Variants in DDX18 observed in about 807,000 individuals in gnomAD.
The protein encoded by DDX18 is DEAD-box helicase 18.
DDX18 carries 23 observed loss-of-function variants against 73.5 expected under a neutral mutation model. That is an observed-to-expected ratio of 0.31 (90% CI 0.23 to 0.44). The LOEUF (loss-of-function observed/expected upper bound fraction) is 0.44. Ranked by LOEUF, DDX18 falls within the 20% of genes least tolerant of loss-of-function variation. The pLI, the probability that DDX18 is intolerant of heterozygous loss-of-function variation, is 1.00. For missense variants in DDX18, 753 were observed against 792.9 expected (o/e 0.95, Z 0.60); for synonymous variants, 268 against 282.7 (o/e 0.95, Z 0.52).
chr2:117,823,323 G>A (rs777887500), intron 7 of DDX18, among the ~76,000 whole-genome samples: 1 of 152,016 alleles, frequency 6.6e-6, no homozygotes, highest in Non-Finnish European at 1.5e-5. Context: ...CCATGTATTC[G>A]ATATTTTCTC....
At chr2:117,818,600 G>A (rs946786916) in intron 2 of DDX18, among the ~76,000 whole-genome samples, 3 of 152,178 alleles carry the variant, frequency 2.0e-5, no homozygotes, top group African/African-American at 4.8e-5. Flanking sequence ...TTTTGAGTAT[G>A]CCCCAGGAAG....
intron 9 of DDX18, 137 bp downstream of exon 9, chr2:117,825,238 G>C (rs190139754): frequency 1.1e-5 from 14 of 1,276,282 alleles, no homozygotes; most frequent in East Asian, 9.4e-5. Flanking sequence ...GATCCTGTGT[G>C]GGGGAGCGCT....
intron 13 of DDX18, 132 bp downstream of exon 13, chr2:117,829,598 T>C: frequency 1.2e-6 from 1 of 868,194 alleles, no homozygotes; most frequent in Non-Finnish European, 1.8e-6. Flanking sequence ...CCCTGGTCGA[T>C]GTCTGCTTTT....
At chr2:117,821,341 A>G in intron 4 of DDX18, 45 bp downstream of exon 4, 1 of 1,573,106 alleles carries the variant, frequency 6.4e-7, no homozygotes, top group East Asian at 2.2e-5. Flanking sequence ...TATTTTTAGA[A>G]CTAGTAGATG....
chr2:117,824,417 T>C, intron 7 of DDX18, 152 bp from the exon 8 acceptor site: 1 of 675,956 alleles, frequency 1.5e-6, no homozygotes, highest in South Asian at 7.2e-5. Context: ...TGTTTCATGA[T>C]ATACCCTTTT....
intron 1 of DDX18, 32 bp from the exon 2 acceptor site, chr2:117,817,412 T>A: frequency 6.5e-7 from 1 of 1,530,610 alleles, no homozygotes; most frequent in Non-Finnish European, 8.7e-7. Context: ...TCTCCTTCTT[T>A]GTCACAGTAT....
At chr2:117,826,076 TGGCCTA>T in intron 10 of DDX18, 187 bp from the exon 11 acceptor site, 1 of 152,092 alleles carries the variant, frequency 6.6e-6, no homozygotes, top group Non-Finnish European at 1.2e-5. Flanking sequence ...CCTCAATCAT[TGGCCTA>T]TTGGGGGTGA....
rs758094285 is a variant in DDX18, at chr2:117,821,290, A to G, written c.644A>G (p.Glu215Gly). The G allele has an allele frequency of 6.2e-7, 1 of 1,601,204 alleles. No individual in the cohort carries two copies. The highest frequency in any genetic ancestry group is 1.8e-5 in the Admixed American group (1 of 56,310). Residue 215 changes from glutamate to glycine, a missense_variant, in exon 4 of 14, where the codon GAA becomes GGA. Glu to Gly is a moderately conservative substitution (Grantham distance 98). Around this residue, in one of 3 missense-constraint regions of DDX18, gnomAD observed 345 missense variants for 352.0 expected, o/e 0.98. Coordinates refer to ENST00000263239, the MANE Select transcript of DDX18 (RefSeq NM_006773.4). ...IQHKSIRPLL[E>G]GRDLLAAAKT... ...CATAAAAGTATCAGACCACTTCTGG[A>G]AGGCAGGTATGATTAACATTGAAGC... is the stretch of plus-strand genomic sequence containing the variant.
Position 117,825,101 on chromosome 2 carries a change from T to C in DDX18, c.1368T>C (p.His456=). Residue 456 remains histidine, a splice_region_variant and synonymous_variant, in exon 9 of 14, where the codon CAT becomes CAC. Transcript: ENST00000263239. The part of the protein sequence containing the change: ...NYIDLPVLAI[H]GKQKQNKRTT... ...TTGATTTGCCCGTCTTGGCCATTCA[T>C]GTAAGTGATGATGATGAGCTCATTG... 1 of 1,606,482 alleles carries C rather than the reference T, an allele frequency of 6.2e-7. No homozygotes were observed. The highest frequency in any genetic ancestry group is 1.3e-5 in the African/African-American group (1 of 74,350).
chr2:117,830,280 A>G (rs1398944058), intron 13 of DDX18, among the ~76,000 whole-genome samples: 1 of 152,206 alleles, frequency 6.6e-6, no homozygotes, highest in African/African-American at 2.4e-5. Context: ...GCTCCTACCA[A>G]CTTCCTGATT....
intron 1 of DDX18, chr2:117,815,102 G>T: frequency 1.8e-6 from 1 of 556,522 alleles, no homozygotes; most frequent in Admixed American, 3.1e-5. Flanking sequence ...CGTTAGAGCG[G>T]GAGGACTCCC....
In DDX18 at chr2:117,824,608, G is replaced by A. The variant is rs1679894828; in HGVS notation, c.1106G>A (p.Arg369Gln). ...ATGCTCTTTTCTGCCACCCAAACTC[G>A]AAAAGTTGAAGACCTGGCAAGGATT... Reference protein sequence around the residue: ...QTMLFSATQTRKVEDLARISL... With the variant: ...QTMLFSATQTQKVEDLARISL... The change falls in exon 8 of 14, where the codon CGA becomes CAA. Residue 369 changes from arginine to glutamine, a missense_variant. By Grantham distance (43) the Arg-to-Gln change is conservative. Around this residue, in one of 3 missense-constraint regions of DDX18, gnomAD observed 402 missense variants for 419.4 expected, o/e 0.96. Coordinates refer to ENST00000263239, the MANE Select transcript of DDX18 (RefSeq NM_006773.4). 8 of 1,491,424 alleles carry A rather than the reference G, an allele frequency of 5.4e-6. No individual in the cohort carries two copies. The highest frequency in any genetic ancestry group is 1.8e-4 in the Middle Eastern group (1 of 5,502). 92.4% of individuals were successfully genotyped at this position (1,491,424 alleles called of 1,614,324 possible).
chr2:117,824,270 A>G (rs1180426364), intron 7 of DDX18: 5 of 204,098 alleles, frequency 2.4e-5, no homozygotes, highest in Admixed American at 1.8e-4. Flanking sequence ...TGGGCCTGGA[A>G]TTTTCTTTAC....
At chr2:117,828,154 C>T (rs1054857590) in intron 11 of DDX18, 1 of 152,096 alleles carries the variant, frequency 6.6e-6, no homozygotes, top group Admixed American at 6.5e-5. Context: ...TATCTTTCGC[C>T]CACTTTTTGA....
At chr2:117,815,139 C>CTT in intron 1 of DDX18, 1 of 436,422 alleles carries the variant, frequency 2.3e-6, no homozygotes. Flanking sequence ...TACGACTAAC[C>CTT]CTGCCTTTTG....
At position 117,825,004 on chromosome 2, in the gene DDX18, G is replaced by T; in HGVS notation, c.1271G>T (p.Arg424Leu). ...CTCTTTACATTCCTTAAGAAGAACCGAAAGAAGAAGCTTATGGTCTTCTTT... is the reference window on the plus strand; with the variant it reads ...CTCTTTACATTCCTTAAGAAGAACCTAAAGAAGAAGCTTATGGTCTTCTTT... ...LLLFTFLKKN[R>L]KKKLMVFFSS... The change falls in exon 9 of 14, where the codon CGA becomes CTA. Residue 424 changes from arginine to leucine, a missense_variant. This residue lies in a region of DDX18 where 402 missense variants were observed against 419.4 expected (regional missense o/e 0.96). Coordinates refer to ENST00000263239, the MANE Select transcript of DDX18 (RefSeq NM_006773.4). 1 of 1,613,644 alleles carries T rather than the reference G, an allele frequency of 6.2e-7. No individual in the cohort carries two copies. The highest frequency in any genetic ancestry group is 1.1e-5 in the South Asian group (1 of 91,046).
At position 117,817,581 on chromosome 2, in the gene DDX18, C is replaced by G; in HGVS notation, c.223C>G (p.Gln75Glu). 6.2e-7 allele frequency: 1 copy of G among 1,613,902 alleles called. No homozygotes were observed. Residue 75 changes from glutamine (Q) to glutamate (E), a missense_variant, in exon 2 of 14, where the codon CAA becomes GAA. Around this residue, in one of 3 missense-constraint regions of DDX18, gnomAD observed 345 missense variants for 352.0 expected, o/e 0.98. Transcript: ENST00000263239. ...LSETQNGGMS[Q>E]EAVGNIKVTK... is the part of the protein sequence containing the mutation. ...AGAAACTCAAAATGGAGGCATGTCTCAAGAAGCAGTGGGAAATATAAAAGT... is the reference window on the plus strand; with the variant it reads ...AGAAACTCAAAATGGAGGCATGTCTGAAGAAGCAGTGGGAAATATAAAAGT...
At chr2:117,815,522 G>C (rs548295407) in intron 1 of DDX18, among the ~76,000 whole-genome samples, 43 of 152,252 alleles carry the variant, frequency 2.8e-4, no homozygotes, top group African/African-American at 1.0e-3. Flanking sequence ...TTAACCTGTT[G>C]TCCAGGTTAA....
Position 117,824,569 on chromosome 2 carries a change from C to T in DDX18, c.1067C>T (p.Thr356Ile). 2 of 1,429,908 alleles carry T rather than the reference C, an allele frequency of 1.4e-6. No homozygotes were observed. The highest frequency in any genetic ancestry group is 1.7e-5 in the South Asian group (1 of 57,740). 88.6% of individuals were successfully genotyped at this position (1,429,908 alleles called of 1,614,324 possible). A position where few individuals can be genotyped will look rare whatever the true frequency, so the allele number is the denominator to read the frequency against. ...TTATTTTTATATGTATCTGTTTCAG[C>T]ACGTAGACAGACTATGCTCTTTTCT... is the stretch of plus-strand genomic sequence containing the variant. ...ELKQIIKLLPTRRQTMLFSAT... is the reference protein window; with the variant it reads ...ELKQIIKLLPIRRQTMLFSAT... The change falls in exon 8 of 14, where the codon ACA becomes ATA. Residue 356 changes from threonine to isoleucine, a missense_variant and splice_region_variant. Transcript: ENST00000263239.
Sources: allele counts gnomAD v4.1 joint callset (sites outside exome capture counted in the v4.1 genomes callset), GRCh38; gene constraint gnomAD v4.1.1; regional missense constraint gnomAD v4.1.1; transcripts MANE v1.5; gene names NCBI Gene and HGNC (gene_info 2026-07-23, HGNC 2026-07-21).